CTNNA1: variants seen among roughly 807,000 people sequenced by gnomAD.
The protein encoded by CTNNA1 is catenin alpha-1.
CTNNA1 carries 37 observed loss-of-function variants against 98.4 expected under a neutral mutation model. The ratio of observed to expected loss-of-function variants is 0.38; its 90% CI spans 0.29 to 0.49. The LOEUF is 0.49. Among genes scored for constraint, CTNNA1 ranks in the 20% least tolerant of loss-of-function variants. The pLI, the probability that CTNNA1 is intolerant of heterozygous loss-of-function variation, is 0.95. For missense variants in CTNNA1, 761 were observed against 1,147.2 expected, an observed-to-expected ratio of 0.66 and a Z score of 4.86; for synonymous variants, 404 against 413.2, an observed-to-expected ratio of 0.98 and a Z score of 0.27.
chr5:138,912,913 A>G (rs933223465), intron 10 of CTNNA1, among the ~76,000 whole-genome samples: 1 of 152,054 alleles, frequency 6.6e-6, no homozygotes, highest in Non-Finnish European at 1.5e-5. Flanking sequence ...TTAATCTGTA[A>G]TATATATTTA....
intron 7 of CTNNA1, chr5:138,875,589 A>G (rs1010027777): frequency 1.0e-5 from 10 of 985,364 alleles, no homozygotes; most frequent in Middle Eastern, 5.2e-4. Context: ...AAGAAGACCC[A>G]TCTGAACAGT....
At chr5:138,933,459 G>A (rs11954103) in intron 17 of CTNNA1, among the ~76,000 whole-genome samples, 35,058 of 152,058 alleles carry the variant, frequency 0.23, 4,576 homozygotes, top group Non-Finnish European at 0.3. Context: ...TCCCTGTCTC[G>A]ATTCCTGCTT....
intron 7 of CTNNA1, chr5:138,880,928 A>T (rs955170021): frequency 3.2e-5 from 13 of 402,450 alleles, no homozygotes; most frequent in African/African-American, 2.8e-4. Context: ...GACAAGTGAT[A>T]TGGCAAGGAA....
intron 7 of CTNNA1, among the ~76,000 whole-genome samples, chr5:138,836,307 A>G (rs1828188): frequency 0.69 from 105,202 of 152,138 alleles, 36,527 homozygotes; most frequent in East Asian, 0.93. Context: ...CTCTGTGTCT[A>G]TTTCACTTAG....
chr5:138,858,293 A>AT (rs897001576), intron 7 of CTNNA1, among the ~76,000 whole-genome samples: 2 of 151,888 alleles, frequency 1.3e-5, no homozygotes, highest in South Asian at 2.1e-4. Flanking sequence ...TACCTGGTTA[A>AT]TTTTTTTATT....
At chr5:138,754,718 G>T (rs1169169344) in intron 1 of CTNNA1, 5 of 152,154 alleles carry the variant, frequency 3.3e-5, no homozygotes, top group African/African-American at 1.2e-4. Context: ...GAGTGTAGGA[G>T]TTACCTATAG....
At chr5:138,869,784 C>T (rs1765168847) in intron 7 of CTNNA1, 1 of 152,522 alleles carries the variant, frequency 6.6e-6, no homozygotes, top group East Asian at 1.9e-4. Flanking sequence ...TGAATTGATA[C>T]AGAAATTAAC....
At chr5:138,866,876 C>T (rs945602421) in intron 7 of CTNNA1, among the ~76,000 whole-genome samples, 2 of 152,126 alleles carry the variant, frequency 1.3e-5, no homozygotes, top group Non-Finnish European at 2.9e-5. Context: ...TTTTCCCCTT[C>T]CCTCTTTGTA....
chr5:138,798,534 T>G (rs535542842), intron 3 of CTNNA1, among the ~76,000 whole-genome samples: 4 of 152,346 alleles, frequency 2.6e-5, no homozygotes, highest in African/African-American at 9.6e-5. Flanking sequence ...AGCCTATCCT[T>G]TCCCCGTAAC....
chr5:138,799,271 C>T (rs1757293524), intron 3 of CTNNA1, among the ~76,000 whole-genome samples: 1 of 152,162 alleles, frequency 6.6e-6, no homozygotes, highest in Non-Finnish European at 1.5e-5. Context: ...GGCAATTCTC[C>T]TGCCTCTGCC....
In CTNNA1 at chr5:138,874,530, C is replaced by A. The variant is rs780871330; in HGVS notation, c.1063-11682C>A. On this transcript the variant is annotated intron_variant, in intron 7 of 17. Transcript: ENST00000302763. This position sits in a 1 kb window ranked among gnomAD's most constrained non-coding sequence, Gnocchi z 4.1. ...GCATATATTGCTGCCAGCATAGGGG[C>A]CCCTAATGGCCACTTGAAATGTAAG... 3 of 1,576,892 alleles carry A rather than the reference C, an allele frequency of 1.9e-6. No individual in the cohort carries two copies. Among genetic ancestry groups the A allele is most frequent in the South Asian group, 1.2e-5 (1 of 86,788 alleles).
intron 5 of CTNNA1, among the ~76,000 whole-genome samples, chr5:138,813,493 C>A (rs1443886638): frequency 6.6e-6 from 1 of 152,138 alleles, no homozygotes; most frequent in Non-Finnish European, 1.5e-5. Flanking sequence ...ACAGAAACAC[C>A]CGACAAAAGG....
chr5:138,888,503 T>G (rs1294110328), intron 9 of CTNNA1, among the ~76,000 whole-genome samples: 1 of 152,194 alleles, frequency 6.6e-6, no homozygotes, highest in Non-Finnish European at 1.5e-5. Flanking sequence ...AATGTGTGTC[T>G]CGTACTTTTG....
In CTNNA1 at chr5:138,855,554, T is replaced by G. The variant is rs1763657348; in HGVS notation, c.1062+27836T>G. ...ATCTAGGTGAGTTTTCATCTTCCTT[T>G]TAAAAAGCTTAGAATGCTGTTTTAC... On this transcript the variant is annotated intron_variant, in intron 7 of 17. Coordinates refer to ENST00000302763, the MANE Select transcript of CTNNA1 (RefSeq NM_001903.5). Among the ~76,000 whole-genome samples the G allele has an allele frequency of 2.6e-5, 4 of 152,252 alleles. No individual in the cohort carries two copies. In the South Asian group the frequency reaches 8.3e-4, roughly 31 times the overall value.
intron 3 of CTNNA1, among the ~76,000 whole-genome samples, chr5:138,799,683 G>C (rs1353238091): frequency 6.7e-6 from 1 of 149,518 alleles, no homozygotes; most frequent in African/African-American, 2.5e-5. Context: ...ATTTTTAGCT[G>C]GGGGCTTATT....
At chr5:138,834,851 G>A (rs1051983806) in intron 7 of CTNNA1, among the ~76,000 whole-genome samples, 3 of 152,120 alleles carry the variant, frequency 2.0e-5, no homozygotes, top group Non-Finnish European at 4.4e-5. Flanking sequence ...TAATCACCTG[G>A]GTGCGGGCGG....
At chr5:138,822,587 A>G (rs1760148297) in intron 5 of CTNNA1, among the ~76,000 whole-genome samples, 1 of 152,216 alleles carries the variant, frequency 6.6e-6, no homozygotes, top group Non-Finnish European at 1.5e-5. Flanking sequence ...AGAAAATGCC[A>G]CACAAAACAT....
chr5:138,923,923 C>T (rs2150282544), intron 11 of CTNNA1, among the ~76,000 whole-genome samples: 1 of 152,320 alleles, frequency 6.6e-6, no homozygotes, highest in Middle Eastern at 3.4e-3. Context: ...CTTCAAATAT[C>T]ACAATAAGCC....
intron 7 of CTNNA1, among the ~76,000 whole-genome samples, chr5:138,884,435 C>A (rs1561648955): frequency 6.6e-6 from 1 of 152,184 alleles, no homozygotes; most frequent in Non-Finnish European, 1.5e-5. Context: ...CAGGAAAAAA[C>A]CTAGAAAGGG....
Sources: gnomAD v4.1 joint callset for allele counts (sites outside exome capture counted in the v4.1 genomes callset) on GRCh38, gnomAD v4.1.1 for gene constraint, Gnocchi (gnomAD v3.1) non-coding constraint, MANE v1.5 for transcripts, NCBI Gene and HGNC (gene_info 2026-07-23, HGNC 2026-07-21) for gene names.